UMAD1: variants seen among roughly 807,000 people sequenced by gnomAD.
UMAD1 encodes the protein UBAP1-MVB12-associated (UMA)-domain containing protein 1.
Under a neutral mutation model 6.1 loss-of-function variants are expected in UMAD1, and 8 were observed. That is an observed-to-expected ratio of 1.30 (90% CI 0.76 to 2.35). UMAD1 has a LOEUF of 2.35. Among genes scored for constraint, UMAD1 ranks in the 30% most tolerant of loss-of-function variants. UMAD1 has a pLI of 0.00. For synonymous variants in UMAD1, 56 were observed against 31.4 expected (o/e 1.78, Z -2.61); for missense variants, 130 against 78.4 (o/e 1.66, Z -2.49).
chr7:7,646,763 C>G (rs1785104966), intron 1 of UMAD1, among the ~76,000 whole-genome samples: 1 of 152,046 alleles, frequency 6.6e-6, no homozygotes, highest in Non-Finnish European at 1.5e-5. Flanking sequence ...CGTCCCCAGC[C>G]AAACTCCCCT....
intron 2 of UMAD1, among the ~76,000 whole-genome samples, chr7:7,768,753 A>T (rs993154976): frequency 2.0e-5 from 3 of 152,230 alleles, no homozygotes; most frequent in Admixed American, 6.5e-5. Flanking sequence ...TTTGTTGAAT[A>T]AATAAATAAA....
chr7:7,762,715 T>A (rs1056405535), intron 2 of UMAD1, among the ~76,000 whole-genome samples: 2 of 152,178 alleles, frequency 1.3e-5, no homozygotes, highest in African/African-American at 4.8e-5. Context: ...CTTAGAGTGA[T>A]ATAAACATCA....
intron 1 of UMAD1, among the ~76,000 whole-genome samples, chr7:7,650,556 G>A (rs1011117331): frequency 1.3e-5 from 2 of 152,212 alleles, no homozygotes; most frequent in Non-Finnish European, 2.9e-5. Flanking sequence ...CTGCAGGACA[G>A]TGTGAATGTA....
intron 1 of UMAD1, among the ~76,000 whole-genome samples, chr7:7,670,481 C>T (rs1179871129): frequency 1.3e-5 from 2 of 152,198 alleles, no homozygotes; most frequent in East Asian, 3.8e-4. Context: ...TAAAACAGAG[C>T]TGGTAAACAG....
At chr7:7,791,533 C>G (rs1321968463) in intron 2 of UMAD1, among the ~76,000 whole-genome samples, 1 of 152,210 alleles carries the variant, frequency 6.6e-6, no homozygotes, top group Non-Finnish European at 1.5e-5. Context: ...TTTTCAGTTT[C>G]TAGTCTTCCA....
At chr7:7,665,790 T>C (rs1563100268) in intron 1 of UMAD1, among the ~76,000 whole-genome samples, 1 of 152,116 alleles carries the variant, frequency 6.6e-6, no homozygotes, top group South Asian at 2.1e-4. Context: ...TCATATAGTA[T>C]GAACTTTTAT....
intron 2 of UMAD1, among the ~76,000 whole-genome samples, chr7:7,791,846 C>T (rs933800665): frequency 1.3e-5 from 2 of 152,186 alleles, no homozygotes; most frequent in Admixed American, 6.5e-5. Flanking sequence ...ATGATTCGAA[C>T]AGCAATCACA....
intron 3 of UMAD1, among the ~76,000 whole-genome samples, chr7:7,807,703 A>G (rs377351541): frequency 8.5e-5 from 13 of 152,234 alleles, no homozygotes; most frequent in African/African-American, 2.9e-4. Context: ...ATGATTGTCT[A>G]TGGAAAACAG....
At chr7:7,774,154 T>G (rs1439835041) in intron 2 of UMAD1, among the ~76,000 whole-genome samples, 3 of 152,212 alleles carry the variant, frequency 2.0e-5, no homozygotes, top group Non-Finnish European at 4.4e-5. Flanking sequence ...CTTCTCAGGC[T>G]TAGATGCTAC....
At position 7,772,886 on chromosome 7, in the gene UMAD1, A is replaced by G. The variant is rs17485136; in HGVS notation, c.83-28784A>G. Among the ~76,000 whole-genome samples the G allele has an allele frequency of 4.7e-3, 720 of 152,292 alleles. 6 individuals are homozygous for G. Among genetic ancestry groups the G allele is most frequent in the Non-Finnish European group, 7.9e-3 (535 of 68,030 alleles). On this transcript the variant is annotated intron_variant, in intron 2 of 3. Coordinates refer to ENST00000682710, the MANE Select transcript of UMAD1 (RefSeq NM_001302348.2). ...TGTGTGAAAGTGGATTAGATATAAC[A>G]CAAGAAGCCTTTTTTATTTTTTTTT... is the stretch of plus-strand genomic sequence containing the variant.
chr7:7,742,938 A>T (rs1317666009), intron 2 of UMAD1, among the ~76,000 whole-genome samples: 2 of 152,246 alleles, frequency 1.3e-5, no homozygotes, highest in African/African-American at 4.8e-5. Flanking sequence ...AGTGTATTAG[A>T]AAAGATTTGT....
chr7:7,714,110 T>C (rs1780833378), intron 2 of UMAD1, among the ~76,000 whole-genome samples: 1 of 152,268 alleles, frequency 6.6e-6, no homozygotes, highest in African/African-American at 2.4e-5. Context: ...ATTTTTAATT[T>C]AATGTCCTGT....
intron 1 of UMAD1, among the ~76,000 whole-genome samples, chr7:7,668,236 C>T (rs1041160611): frequency 2.6e-5 from 4 of 152,158 alleles, no homozygotes; most frequent in African/African-American, 9.7e-5. Flanking sequence ...TTTACTTACA[C>T]AATGTGAATA....
intron 1 of UMAD1, among the ~76,000 whole-genome samples, chr7:7,651,567 G>C (rs1453513270): frequency 6.6e-6 from 1 of 152,048 alleles, no homozygotes; most frequent in Non-Finnish European, 1.5e-5. Flanking sequence ...TCCTCATGTT[G>C]ATCTCATTCT....
chr7:7,839,162 T>G (rs1783627245), intron 3 of UMAD1, among the ~76,000 whole-genome samples: 1 of 152,098 alleles, frequency 6.6e-6, no homozygotes, highest in South Asian at 2.1e-4. Flanking sequence ...ATGAAATAAA[T>G]TACACAGTGG....
At chr7:7,856,358 T>A (rs1428084361) in intron 3 of UMAD1, among the ~76,000 whole-genome samples, 1 of 152,192 alleles carries the variant, frequency 6.6e-6, no homozygotes, top group East Asian at 1.9e-4. Context: ...AGAAGGCACC[T>A]CCTCACAAGG....
intron 3 of UMAD1, among the ~76,000 whole-genome samples, chr7:7,813,841 A>G (rs1783072262): frequency 6.6e-6 from 1 of 152,192 alleles, no homozygotes; most frequent in Non-Finnish European, 1.5e-5. Context: ...ACTGTTGTTC[A>G]GTTTGATTGA....
chr7:7,665,824 C>CTT (rs1331154292), intron 1 of UMAD1, among the ~76,000 whole-genome samples: 2 of 143,124 alleles, frequency 1.4e-5, no homozygotes, highest in Non-Finnish European at 3.1e-5. Context: ...TTTCCATCAG[C>CTT]TTTTTTTTTT....
intron 3 of UMAD1, among the ~76,000 whole-genome samples, chr7:7,806,497 T>G (rs1161584200): frequency 6.6e-6 from 1 of 152,186 alleles, no homozygotes; most frequent in African/African-American, 2.4e-5. Flanking sequence ...TAGACATATG[T>G]GATGTAACAT....
Sources: allele counts gnomAD v4.1 joint callset (sites outside exome capture counted in the v4.1 genomes callset), GRCh38; gene constraint gnomAD v4.1.1; transcripts MANE v1.5; gene names NCBI Gene and HGNC (gene_info 2026-07-23, HGNC 2026-07-21).